Variants in KIF26B observed in about 807,000 individuals in gnomAD.
KIF26B encodes kinesin family member 26B.
A neutral mutation model predicts 151.2 loss-of-function variants in KIF26B; 63 were observed. The observed-to-expected ratio is 0.42, with a 90% CI of 0.34 to 0.51. The LOEUF is 0.51. Among genes scored for constraint, KIF26B ranks in the 20% least tolerant of loss-of-function variants. KIF26B has a pLI of 0.07. For missense variants in KIF26B, 2,813 were observed against 2,913.6 expected (o/e 0.97, Z 0.79); for synonymous variants, 1,357 against 1,262.1 (o/e 1.08, Z -1.59).
At chr1:245,442,579 T>A (rs1659132676) in intron 4 of KIF26B, among the ~76,000 whole-genome samples, 3 of 152,268 alleles carry the variant, frequency 2.0e-5, no homozygotes, top group African/African-American at 7.2e-5. Flanking sequence ...GACAGCGGCT[T>A]TTAGCTTCAG....
At chr1:245,616,975 G>C (rs1220286661) in intron 9 of KIF26B, among the ~76,000 whole-genome samples, 8 of 152,184 alleles carry the variant, frequency 5.3e-5, no homozygotes. Flanking sequence ...GGATTAGAGG[G>C]CTTTGTAGGC....
intron 4 of KIF26B, among the ~76,000 whole-genome samples, chr1:245,475,059 G>A (rs1461598046): frequency 6.6e-6 from 1 of 151,806 alleles, no homozygotes; most frequent in African/African-American, 2.4e-5. Context: ...ACTGTGAATA[G>A]CAATATTTTC....
At chr1:245,398,046 T>C (rs535588466) in intron 3 of KIF26B, among the ~76,000 whole-genome samples, 1 of 152,190 alleles carries the variant, frequency 6.6e-6, no homozygotes, top group Non-Finnish European at 1.5e-5. Flanking sequence ...GAGCTTTCCA[T>C]CTTTGGAGAA....
intron 4 of KIF26B, among the ~76,000 whole-genome samples, chr1:245,517,869 AT>A (rs549396811): frequency 0.063 from 8,195 of 130,946 alleles, 658 homozygotes; most frequent in African/African-American, 0.22. Flanking sequence ...GTGTCATGTA[AT>A]TTTTTTTTTT....
chr1:245,390,943 A>AAAAAAAACAAAACAAAACAAAAC (rs1558147976), intron 3 of KIF26B, among the ~76,000 whole-genome samples: 3 of 118,410 alleles, frequency 2.5e-5, no homozygotes, highest in African/African-American at 1.2e-4. Flanking sequence ...AAAAAAAAAA[A>AAAAAAAACAAAACAAAACAAAAC]AAAAAAAAAC....
intron 4 of KIF26B, among the ~76,000 whole-genome samples, chr1:245,513,208 A>AC (rs5782355): frequency 0.011 from 1,526 of 133,072 alleles, 45 homozygotes; most frequent in African/African-American, 0.042. Context: ...TCCAACCTGC[A>AC]CCCCCCCCCA....
Position 245,602,841 on chromosome 1 carries a change from C to T in KIF26B, c.1557+58C>T, listed in dbSNP as rs953290014. 1.7e-5 allele frequency: 25 copies of T among 1,503,562 alleles called. No individual in the cohort carries two copies. Among genetic ancestry groups the T allele is most frequent in the Non-Finnish European group, 1.8e-5 (20 of 1,081,530 alleles). 93.1% of individuals were successfully genotyped at this position (1,503,562 alleles called of 1,614,324 possible). ...CGTTGATGAAAGGGCAACGTTTACT[C>T]ATTCACAAGGGCCCTTGAGCTGGGA... On this transcript the variant is annotated intron_variant, in intron 6 of 14. Coordinates refer to ENST00000407071, the MANE Select transcript of KIF26B (RefSeq NM_018012.4). This position sits in a 1 kb window ranked among gnomAD's most constrained non-coding sequence, Gnocchi z 4.5.
intron 3 of KIF26B, among the ~76,000 whole-genome samples, chr1:245,390,072 A>G (rs1315249570): frequency 1.3e-5 from 2 of 151,992 alleles, no homozygotes; most frequent in African/African-American, 4.8e-5. Context: ...CGCAAAGGCA[A>G]TGATGGATAA....
chr1:245,680,313 C>A (rs991287895), intron 10 of KIF26B, among the ~76,000 whole-genome samples: 3 of 152,164 alleles, frequency 2.0e-5, no homozygotes, highest in African/African-American at 7.2e-5. Flanking sequence ...TCCGCAGAGG[C>A]CCACATGAAG....
At chr1:245,328,758 T>C (rs550105352) in intron 2 of KIF26B, among the ~76,000 whole-genome samples, 1 of 152,306 alleles carries the variant, frequency 6.6e-6, no homozygotes, top group South Asian at 2.1e-4. Context: ...GGCAGGGCTG[T>C]TCTTTTACAA....
At chr1:245,679,249 G>A (rs2044396747) in intron 10 of KIF26B, among the ~76,000 whole-genome samples, 1 of 152,064 alleles carries the variant, frequency 6.6e-6, no homozygotes. Context: ...ACAAAAGCAG[G>A]CAGTGTGCCA....
At position 245,498,381 on chromosome 1, in the gene KIF26B, G is replaced by T. The variant is rs75322932; in HGVS notation, c.1167-42386G>T. Among the ~76,000 whole-genome samples the T allele has an allele frequency of 8.6e-4, 131 of 152,216 alleles. 1 individual carries two copies. In the East Asian group the frequency reaches 9.5e-3, roughly 11 times the overall value. ...CTAGTGGAATGTTATCATTGACTCC[G>T]CCAGCAAACATCTTCACTGGAGAGG... On this transcript the variant is annotated intron_variant, in intron 4 of 14. Transcript: ENST00000407071.
chr1:245,354,553 G>A lies in KIF26B; in HGVS notation c.466-12281G>A, dbSNP rs529394811. On this transcript the variant is annotated intron_variant, in intron 2 of 14. Transcript: ENST00000407071. ...GGAAGGGCAATGTCCTGTGTAGCCA[G>A]ATGGCGGGGGAGTTGGAGGCTGGGC... 3.9e-5 allele frequency among the ~76,000 whole-genome samples: 6 copies of A among 152,368 alleles called. No homozygotes were observed. In the South Asian group the frequency reaches 1.2e-3, roughly 32 times the overall value.
At chr1:245,427,707 T>A (rs753249001) in intron 4 of KIF26B, among the ~76,000 whole-genome samples, 16 of 152,192 alleles carry the variant, frequency 1.1e-4, no homozygotes, top group Non-Finnish European at 2.4e-4. Flanking sequence ...TTGTTTTCAC[T>A]GAAGCATATT....
intron 4 of KIF26B, among the ~76,000 whole-genome samples, chr1:245,531,214 G>T (rs1324940471): frequency 1.3e-5 from 2 of 152,124 alleles, no homozygotes; most frequent in African/African-American, 2.4e-5. Flanking sequence ...TATGTAAATG[G>T]TTTTTTATCT....
rs539646209 is a variant in KIF26B, at chr1:245,361,692, G to A, written c.466-5142G>A. ...ACCTGCGATCTCAGGGCATGGCCTC[G>A]TTGCTGTCACTACTGCGGTTGTTAT... On this transcript the variant is annotated intron_variant, in intron 2 of 14. Transcript: ENST00000407071. Among the ~76,000 whole-genome samples the A allele has an allele frequency of 5.3e-5, 8 of 152,324 alleles. No homozygotes were observed. In the South Asian group the frequency reaches 1.0e-3, roughly 20 times the overall value.
chr1:245,302,095 G>C (rs1671436653), intron 2 of KIF26B, among the ~76,000 whole-genome samples: 1 of 152,184 alleles, frequency 6.6e-6, no homozygotes, highest in African/African-American at 2.4e-5. Context: ...GGTTTTCTCT[G>C]TTGTCATAAC....
intron 2 of KIF26B, among the ~76,000 whole-genome samples, chr1:245,246,282 C>G (rs562651252): frequency 2.0e-5 from 3 of 152,284 alleles, no homozygotes; most frequent in Non-Finnish European, 4.4e-5. Context: ...TTAGGTGGAG[C>G]CCCCTGAGCC....
chr1:245,187,820 T>C (rs540842071), intron 2 of KIF26B, among the ~76,000 whole-genome samples: 5 of 152,060 alleles, frequency 3.3e-5, no homozygotes, highest in Non-Finnish European at 5.9e-5. Flanking sequence ...ATAGGGAAAG[T>C]TGGTTAAGGG....
Sources: gnomAD v4.1 joint callset for allele counts (sites outside exome capture counted in the v4.1 genomes callset) on GRCh38, gnomAD v4.1.1 for gene constraint, Gnocchi (gnomAD v3.1) non-coding constraint, MANE v1.5 for transcripts, NCBI Gene and HGNC (gene_info 2026-07-23, HGNC 2026-07-21) for gene names.